Variants in SDR16C5 observed in about 807,000 individuals in gnomAD.
SDR16C5 encodes the protein epidermal retinol dehydrogenase 2.
In SDR16C5, 20 loss-of-function variants were observed where a neutral mutation model predicts 27.7. The observed-to-expected ratio is 0.72, with a 90% CI of 0.51 to 1.05. The LOEUF is 1.05. Ranked by LOEUF, SDR16C5 falls within the 50% of genes least tolerant of loss-of-function variation. SDR16C5 has a pLI of 0.00. For synonymous variants in SDR16C5, 139 were observed against 132.3 expected (o/e 1.05, Z -0.35); for missense variants, 374 against 366.3 (o/e 1.02, Z -0.17).
intron 2 of SDR16C5, among the ~76,000 whole-genome samples, chr8:56,315,584 C>G (rs1473861846): frequency 6.6e-6 from 1 of 152,106 alleles, no homozygotes; most frequent in Non-Finnish European, 1.5e-5. Context: ...CTCTGTATCT[C>G]GAGTCCTTAT....
At chr8:56,303,951 G>C (rs1814821211) in intron 6 of SDR16C5, 1 of 702,678 alleles carries the variant, frequency 1.4e-6, no homozygotes, top group South Asian at 1.5e-5. Flanking sequence ...GAGAATAAAG[G>C]GCACGCTCAG....
rs377080872 is a variant in SDR16C5, at chr8:56,312,238, G to A, written c.384C>T (p.Ile128=). 1.9e-5 allele frequency: 31 copies of A among 1,613,328 alleles called. No homozygotes were observed. The highest frequency in any genetic ancestry group is 1.3e-4 in the African/African-American group (10 of 74,886). Residue 128 remains isoleucine, a synonymous_variant, in exon 3 of 7, where the codon ATC becomes ATT. Transcript: ENST00000303749. ...AGTCAAGGAACTTTTTGCCTGTTAC[G>A]ATTCCGGCATTGTTGATTAGGATGG... is the stretch of plus-strand genomic sequence containing the variant. ...DVSILINNAG[I]VTGKKFLDCP...
Position 56,316,115 on chromosome 8 carries a change from T to TCA in SDR16C5, c.231_232dup (p.Glu78ValfsTer32), listed in dbSNP as rs761275177. On this transcript the variant is annotated frameshift_variant, in exon 2 of 7. Transcript: ENST00000303749. LOFTEE classifies it high-confidence loss of function. ...TTCCCGAGCCATCTTACATGTTTCC[T>TCA]CATTCCCCTCCTTATTGATATCCCA... is the stretch of plus-strand genomic sequence containing the variant. 2.5e-6 allele frequency: 4 copies of TCA among 1,614,146 alleles called. No individual in the cohort carries two copies. The South Asian group carries it at 3.3e-5, about 13-fold the overall frequency.
At chr8:56,306,188 C>G (rs902858984) in intron 5 of SDR16C5, among the ~76,000 whole-genome samples, 7 of 152,156 alleles carry the variant, frequency 4.6e-5, no homozygotes, top group Admixed American at 6.5e-5. Context: ...GTGGAGCCCT[C>G]ATGAATGGGA....
chr8:56,304,520 T>C (rs1236470970), intron 6 of SDR16C5, among the ~76,000 whole-genome samples: 5 of 151,546 alleles, frequency 3.3e-5, no homozygotes, highest in African/African-American at 1.2e-4. Context: ...CAGGGAAGGG[T>C]GCACAAGAAT....
chr8:56,303,071 T>TGGGA (rs987469620), intron 6 of SDR16C5, among the ~76,000 whole-genome samples: 1 of 151,830 alleles, frequency 6.6e-6, no homozygotes, highest in African/African-American at 2.4e-5. Flanking sequence ...CCCAGCACTT[T>TGGGA]GGGAGGCTGA....
intron 6 of SDR16C5, among the ~76,000 whole-genome samples, chr8:56,303,206 C>T (rs1053190310): frequency 5.3e-5 from 8 of 150,946 alleles, no homozygotes; most frequent in African/African-American, 9.8e-5. Context: ...CCCAGCTACT[C>T]GAGAGGCTGA....
chr8:56,301,665 A>G, intron 6 of SDR16C5, 92 bp from the exon 7 acceptor site: 1 of 915,334 alleles, frequency 1.1e-6, no homozygotes, highest in East Asian at 2.4e-5. Flanking sequence ...CTCTTGTGGC[A>G]GATGAAGTCA....
rs1585921256 is a variant in SDR16C5, at chr8:56,316,250, T to A, written c.98A>T (p.Lys33Met). 6.2e-7 allele frequency: 1 copy of A among 1,614,078 alleles called. No homozygotes were observed. The highest frequency in any genetic ancestry group is 2.2e-5 in the East Asian group (1 of 44,890). ...LEAMIFALLP[K>M]PRKNVAGEIV... ...TTCACCAGCAACGTTCTTCCGTGGC[T>A]TTGGGAGTAAGGCAAAAATCATAGC... Residue 33 changes from lysine to methionine, a missense_variant, in exon 2 of 7, where the codon AAG (lysine) becomes ATG (methionine). Transcript: ENST00000303749.
At chr8:56,315,218 C>G (rs1815159618) in intron 2 of SDR16C5, among the ~76,000 whole-genome samples, 1 of 148,964 alleles carries the variant, frequency 6.7e-6, no homozygotes, top group Non-Finnish European at 1.5e-5. Flanking sequence ...GCACTCCAGT[C>G]TGGGCAACAA....
Position 56,301,088 on chromosome 8 carries a change from CAT to C in SDR16C5, c.*390_*391del, listed in dbSNP as rs1303834020. On this transcript the variant is annotated 3_prime_UTR_variant, in exon 7 of 7. Transcript: ENST00000303749. ...AGAGGGCATTCTGGCTGGATATCCA[CAT>C]GTCCTCTTCGCCCCTCAGCCCTGCT... is the stretch of plus-strand genomic sequence containing the variant. The C allele has an allele frequency of 3.4e-5, 6 of 176,358 alleles. No homozygotes were observed. Among genetic ancestry groups the C allele is most frequent in the Non-Finnish European group, 6.0e-5 (5 of 82,752 alleles). 10.9% of individuals were successfully genotyped at this position (176,358 alleles called of 1,614,324 possible). A position where few individuals can be genotyped will look rare whatever the true frequency, so the allele number is the denominator to read the frequency against.
chr8:56,301,517 G>C lies in SDR16C5; in HGVS notation c.893C>G (p.Ala298Gly). 1 of 1,614,084 alleles carries C rather than the reference G, an allele frequency of 6.2e-7. No individual in the cohort carries two copies. Among genetic ancestry groups the C allele is most frequent in the Non-Finnish European group, 8.5e-7 (1 of 1,179,928 alleles). ...LIADYLGILHAMDGFVDQKKK... is the reference protein window; with the variant it reads ...LIADYLGILHGMDGFVDQKKK... ...CTTTTGGTCAACAAAGCCATCCATTGCATGAAGGATGCCCAAATAGTCAGC... is the reference window on the plus strand; with the variant it reads ...CTTTTGGTCAACAAAGCCATCCATTCCATGAAGGATGCCCAAATAGTCAGC... Residue 298 changes from alanine to glycine, a missense_variant, in exon 7 of 7, where the codon GCA (alanine) becomes GGA (glycine). By Grantham distance (60) the Ala-to-Gly change is moderately conservative. Transcript: ENST00000303749.
chr8:56,301,364 G>C lies in SDR16C5; in HGVS notation c.*116C>G. 1 of 692,248 alleles carries C rather than the reference G, an allele frequency of 1.4e-6. No individual in the cohort carries two copies. Among genetic ancestry groups the C allele is most frequent in the East Asian group, 2.5e-5 (1 of 40,034 alleles). The allele number at this position is 692,248 out of a possible 1,614,324, so 42.9% of individuals were successfully genotyped here. On this transcript the variant is annotated 3_prime_UTR_variant, in exon 7 of 7. Transcript: ENST00000303749. ...AATTCTAGTCCAGATAACAGAATAG[G>C]AGTGGTACTTGTGGTCTCCAGATAT...
At chr8:56,317,778 G>C (rs1815238512) in intron 1 of SDR16C5, among the ~76,000 whole-genome samples, 1 of 152,156 alleles carries the variant, frequency 6.6e-6, no homozygotes, top group Non-Finnish European at 1.5e-5. Flanking sequence ...AGATGTATGT[G>C]ACTTGTTCAG....
Position 56,301,546 on chromosome 8 carries a change from A to G in SDR16C5, c.864T>C (p.Leu288=). ...KSFLPLKTGL[L]IADYLGILHA... is the part of the protein sequence containing the mutation. ...GAAGGATGCCCAAATAGTCAGCTAT[A>G]AGCAGTCCTGTCTTGAGGGGCAAAA... The change falls in exon 7 of 7, where the codon CTT becomes CTC. Residue 288 remains leucine (L), a synonymous_variant. Transcript: ENST00000303749. 6.2e-7 allele frequency: 1 copy of G among 1,614,138 alleles called. No individual in the cohort carries two copies. Among genetic ancestry groups the G allele is most frequent in the Non-Finnish European group, 8.5e-7 (1 of 1,179,958 alleles).
intron 2 of SDR16C5, among the ~76,000 whole-genome samples, chr8:56,314,027 T>A (rs1036164807): frequency 7.2e-5 from 11 of 152,040 alleles, no homozygotes; most frequent in African/African-American, 2.7e-4. Context: ...GCCAACATGG[T>A]GAAACCCCGT....
intron 1 of SDR16C5, among the ~76,000 whole-genome samples, chr8:56,319,458 T>G (rs1815278519): frequency 6.6e-6 from 1 of 152,258 alleles, no homozygotes; most frequent in Non-Finnish European, 1.5e-5. Flanking sequence ...TCCATTTTAC[T>G]GCAAAGACTT....
At chr8:56,312,075 T>A (rs1321785281) in intron 3 of SDR16C5, 82 bp downstream of exon 3, 5 of 1,227,634 alleles carry the variant, frequency 4.1e-6, no homozygotes, top group African/African-American at 1.5e-5. Context: ...TAGAGGCTAA[T>A]AATATTGTAA....
chr8:56,301,577 A>G lies in SDR16C5; in HGVS notation c.837-4T>C. The G allele has an allele frequency of 1.2e-6, 2 of 1,601,374 alleles. No homozygotes were observed. The highest frequency in any genetic ancestry group is 1.7e-6 in the Non-Finnish European group (2 of 1,168,798). On this transcript the variant is annotated splice_polypyrimidine_tract_variant and splice_region_variant and intron_variant, in intron 6 of 6. Coordinates refer to ENST00000303749, the MANE Select transcript of SDR16C5 (RefSeq NM_138969.4). ...TCCTGTCTTGAGGGGCAAAAAGCTA[A>G]AGAGAACACAAGAATAAACTTTCTT...
Sources: gnomAD v4.1 joint callset for allele counts (sites outside exome capture counted in the v4.1 genomes callset) on GRCh38, gnomAD v4.1.1 for gene constraint, MANE v1.5 for transcripts, NCBI Gene and HGNC (gene_info 2026-07-23, HGNC 2026-07-21) for gene names.